The following RAD51D variants were observed in gnomAD, a reference collection of about 807,000 sequenced individuals.
RAD51D encodes RAD51 paralog D, also known as DNA repair protein RAD51 homolog 4.
A neutral mutation model predicts 44.1 loss-of-function variants in RAD51D; 38 were observed. The observed-to-expected ratio is 0.86, with a 90% confidence interval of 0.67 to 1.13. The LOEUF (loss-of-function observed/expected upper bound fraction) is 1.13, where lower values mean the gene tolerates loss of function less well. Ranked by LOEUF, RAD51D falls within the 50% of genes most tolerant of loss-of-function variation. The pLI is 0.00. For synonymous variants in RAD51D, 141 were observed against 166.6 expected (o/e 0.85, Z 1.18); for missense variants, 390 against 414.0 (o/e 0.94, Z 0.50).
At chr17:35,107,493 G>C (rs2091622691) in intron 3 of RAD51D, 46 bp from the exon 4 acceptor site, 1 of 1,424,730 alleles carries the variant, frequency 7.0e-7, no homozygotes, top group Non-Finnish European at 9.9e-7. Context: ...TTAGGAGGAA[G>C]ACAGGGGAAA....
chr17:35,111,495 G>C (rs1234629103), intron 3 of RAD51D, among the ~76,000 whole-genome samples: 2 of 152,074 alleles, frequency 1.3e-5, no homozygotes, highest in East Asian at 1.9e-4. Flanking sequence ...AGCCCAGGGA[G>C]GTCAAGGCTG....
chr17:35,109,816 C>T (rs559316907), intron 3 of RAD51D, among the ~76,000 whole-genome samples: 1 of 152,092 alleles, frequency 6.6e-6, no homozygotes. Context: ...TACAGGCATG[C>T]ACCACCACGC....
rs1449554454 is a variant in RAD51D at position 35,099,982 on chromosome 17, A to C, written c.*971T>G. ...TATATTGCATCTTGGAGCCACCAGCAATGAATTTCTGCATAAAGGACTAGA... is the reference window on the plus strand; with the variant it reads ...TATATTGCATCTTGGAGCCACCAGCCATGAATTTCTGCATAAAGGACTAGA... On this transcript the variant is annotated 3_prime_UTR_variant, in exon 10 of 10. Transcript: ENST00000345365. 7.6e-6 allele frequency: 4 copies of C among 528,192 alleles called. No individual in the cohort carries two copies. The highest frequency in any genetic ancestry group is 2.2e-5 in the Admixed American group (1 of 44,802). The allele number at this position is 528,192 out of a possible 1,614,324, so 32.7% of individuals were successfully genotyped here.
rs551265480 is a variant in RAD51D, at chr17:35,118,997, G to C, written c.144+114C>G. On this transcript the variant is annotated intron_variant, in intron 2 of 9. Coordinates refer to ENST00000345365, the MANE Select transcript of RAD51D (RefSeq NM_002878.4). ...ACTTCTGACTCCAAGTGACCCACCC[G>C]CCTCGGCCTCCCAAAGTGCTGGGAT... 4.1e-6 allele frequency: 4 copies of C among 973,488 alleles called. No homozygotes were observed. The East Asian group carries it at 9.8e-5, about 24-fold the overall frequency. 60.3% of individuals were successfully genotyped at this position (973,488 alleles called of 1,614,324 possible).
rs1422192992 is a variant in RAD51D at position 35,097,225 on chromosome 17, T to G, written c.*3728A>C. ...ACCTCCATCTCCCAGGTTCAAGCGA[T>G]TCTCATGCCTCAGCCTCCCAAGTAG... On this transcript the variant is annotated 3_prime_UTR_variant, in exon 10 of 10. Coordinates refer to ENST00000345365, the MANE Select transcript of RAD51D (RefSeq NM_002878.4). 1 of 152,140 alleles carries G rather than the reference T, an allele frequency of 6.6e-6. No homozygotes were observed. The highest frequency in any genetic ancestry group is 1.5e-5 in the Non-Finnish European group (1 of 68,048). 9.4% of individuals were successfully genotyped at this position (152,140 alleles called of 1,614,324 possible). A position where few individuals can be genotyped will look rare whatever the true frequency, so the allele number is the denominator to read the frequency against.
chr17:35,107,186 C>G, intron 4 of RAD51D, 64 bp from the exon 5 acceptor site: 2 of 1,592,606 alleles, frequency 1.3e-6, no homozygotes, highest in Non-Finnish European at 8.6e-7. Flanking sequence ...AGCTCCCCAC[C>G]AAACCTTGCC....
chr17:35,119,470 T>C, intron 1 of RAD51D, 62 bp downstream of exon 1: 1 of 1,574,460 alleles, frequency 6.4e-7, no homozygotes, highest in Non-Finnish European at 8.7e-7. Context: ...GCGCCAGCCC[T>C]CGGGGCCTGC....
intron 6 of RAD51D, among the ~76,000 whole-genome samples, chr17:35,105,534 G>A (rs924582668): frequency 1.3e-5 from 2 of 152,178 alleles, no homozygotes; most frequent in South Asian, 2.1e-4. Context: ...GTGTGAACAC[G>A]TCATGCTTTG....
In RAD51D at chr17:35,100,418, C is replaced by T. The variant is rs370012734; in HGVS notation, c.*535G>A. On this transcript the variant is annotated 3_prime_UTR_variant, in exon 10 of 10. Transcript: ENST00000345365. ...CCTTTTTATATTTTTAAGAGCAAAA[C>T]AGAGATGAAGAAGAGTATTTCATTT... 3 of 534,246 alleles carry T rather than the reference C, an allele frequency of 5.6e-6. No homozygotes were observed. Among genetic ancestry groups the T allele is most frequent in the South Asian group, 1.5e-5 (1 of 65,162 alleles). 33.1% of individuals were successfully genotyped at this position (534,246 alleles called of 1,614,324 possible).
rs992382986 is a variant in RAD51D, at chr17:35,103,393, A to G, written c.667+61T>C. 25 of 1,607,492 alleles carry G rather than the reference A, an allele frequency of 1.6e-5. No individual in the cohort carries two copies. Among genetic ancestry groups the G allele is most frequent in the Non-Finnish European group, 1.9e-5 (22 of 1,174,182 alleles). ...AGGGATGGGGCTGGCCAGAGACCAG[A>G]CTCCAGAGCTGGGAGGCGAGGTCAC... On this transcript the variant is annotated intron_variant, in intron 7 of 9. Coordinates refer to ENST00000345365, the MANE Select transcript of RAD51D (RefSeq NM_002878.4). This position sits in a 1 kb window ranked among gnomAD's most constrained non-coding sequence, Gnocchi z 4.1.
chr17:35,112,226 C>T (rs937491973), intron 3 of RAD51D, among the ~76,000 whole-genome samples: 2 of 152,150 alleles, frequency 1.3e-5, no homozygotes, highest in Non-Finnish European at 2.9e-5. Context: ...TACAGGCACA[C>T]ACTGCCACGC....
chr17:35,117,095 C>T (rs551666227), intron 3 of RAD51D: 1 of 1,545,658 alleles, frequency 6.5e-7, no homozygotes, highest in Admixed American at 1.9e-5. Flanking sequence ...TTCACCACTC[C>T]CTCCTTACCG....
Position 35,103,631 on chromosome 17 carries a change from T to A in RAD51D, c.577-87A>T. 1.0e-6 allele frequency: 1 copy of A among 992,368 alleles called. No individual in the cohort carries two copies. The highest frequency in any genetic ancestry group is 1.6e-6 in the Non-Finnish European group (1 of 635,952). The allele number at this position is 992,368 out of a possible 1,614,324, so 61.5% of individuals were successfully genotyped here. The stretch of plus-strand genomic sequence containing the variant: ...AGCTTGCTTTTCTATCTAAAACTAG[T>A]AAGAAATAGCCCCCCCATCCCAAAT... On this transcript the variant is annotated intron_variant, in intron 6 of 9. Coordinates refer to ENST00000345365, the MANE Select transcript of RAD51D (RefSeq NM_002878.4). This position sits in a 1 kb window ranked among gnomAD's most constrained non-coding sequence, Gnocchi z 4.1.
At chr17:35,107,921 G>GC (rs1567729023) in intron 3 of RAD51D, among the ~76,000 whole-genome samples, 1 of 150,564 alleles carries the variant, frequency 6.6e-6, no homozygotes, top group East Asian at 2.0e-4. Flanking sequence ...TACCCGACTA[G>GC]TTTTTTTAAT....
rs1043382268 is a variant in RAD51D at position 35,115,425 on chromosome 17, T to C, written c.263+3076A>G. ...TGCTATAACACCCTGTAAGGAATCATTGCACCTCAGCACTAAAGGTTCTGA... is the reference window on the plus strand; with the variant it reads ...TGCTATAACACCCTGTAAGGAATCACTGCACCTCAGCACTAAAGGTTCTGA... On this transcript the variant is annotated intron_variant, in intron 3 of 9. Coordinates refer to ENST00000345365, the MANE Select transcript of RAD51D (RefSeq NM_002878.4). The C allele has an allele frequency of 2.7e-5, 11 of 414,958 alleles. 1 individual carries two copies. The highest frequency in any genetic ancestry group is 2.0e-4 in the African/African-American group (10 of 49,120). 25.7% of individuals were successfully genotyped at this position (414,958 alleles called of 1,614,324 possible).
intron 3 of RAD51D, among the ~76,000 whole-genome samples, chr17:35,116,541 CTGGAGTGCAGTGG>C (rs1296622032): frequency 6.6e-6 from 1 of 152,126 alleles, no homozygotes; most frequent in Non-Finnish European, 1.5e-5. Flanking sequence ...GTTGCCCAGG[CTGGAGTGCAGTGG>C]TGCGATCTCC....
rs1434076395 is a variant in RAD51D at position 35,103,939 on chromosome 17, G to A, written c.577-395C>T. Among the ~76,000 whole-genome samples, 6 of 152,028 alleles carry A rather than the reference G, an allele frequency of 3.9e-5. No individual in the cohort carries two copies. The highest frequency in any genetic ancestry group is 2.1e-4 in the South Asian group (1 of 4,832). On this transcript the variant is annotated intron_variant, in intron 6 of 9. Coordinates refer to ENST00000345365, the MANE Select transcript of RAD51D (RefSeq NM_002878.4). The surrounding 1 kb of genome is among the most constrained non-coding windows in gnomAD (Gnocchi z 4.1). ...CTAAACATACAAAAATTAGCTGGGC[G>A]TGGTGGTGCACACCTGTAATCCCAG...
chr17:35,118,647 A>G (rs2142475195), intron 2 of RAD51D, 28 bp from the exon 3 acceptor site: 1 of 1,574,404 alleles, frequency 6.4e-7, no homozygotes, highest in Non-Finnish European at 8.7e-7. Context: ...ACTGCTCAGC[A>G]ACAAATTGCC....
intron 3 of RAD51D, among the ~76,000 whole-genome samples, chr17:35,109,319 G>T (rs1332831222): frequency 6.6e-6 from 1 of 152,176 alleles, no homozygotes; most frequent in Non-Finnish European, 1.5e-5. Flanking sequence ...AAGGGCATTT[G>T]GTTGTTTCCA....
Sources: gnomAD v4.1 joint callset for allele counts (sites outside exome capture counted in the v4.1 genomes callset) on GRCh38, gnomAD v4.1.1 for gene constraint, Gnocchi (gnomAD v3.1) non-coding constraint, MANE v1.5 for transcripts, NCBI Gene and HGNC (gene_info 2026-07-23, HGNC 2026-07-21) for gene names.